FAM171A1: variants seen among roughly 807,000 people sequenced by gnomAD.
FAM171A1 encodes family with sequence similarity 171 member A1, also known as protein FAM171A1.
A neutral mutation model predicts 74.9 loss-of-function variants in FAM171A1; 23 were observed. That is an observed-to-expected ratio of 0.31 (90% confidence interval 0.22 to 0.44). The LOEUF (loss-of-function observed/expected upper bound fraction) is 0.44, where lower values mean the gene tolerates loss of function less well. FAM171A1 is among the 20% of genes least tolerant of loss of function. The probability of loss-of-function intolerance (pLI) is 1.00; values close to 1 mark genes in which losing one functional copy is unlikely to be tolerated. For missense variants in FAM171A1, 1,162 were observed against 1,159.2 expected, an observed-to-expected ratio of 1.00 and a Z score of -0.03; for synonymous variants, 527 against 505.7, an observed-to-expected ratio of 1.04 and a Z score of -0.57.
chr10:15,304,042 A>G (rs1835264517), intron 1 of FAM171A1, among the ~76,000 whole-genome samples: 1 of 152,188 alleles, frequency 6.6e-6, no homozygotes, highest in African/African-American at 2.4e-5. Context: ...AACAAACCCA[A>G]AGAGACTGGC....
At chr10:15,356,973 A>C (rs900721535) in intron 1 of FAM171A1, among the ~76,000 whole-genome samples, 1 of 151,606 alleles carries the variant, frequency 6.6e-6, no homozygotes, top group African/African-American at 2.4e-5. Context: ...TGTCTCAAAA[A>C]ACAAAAACAA....
At chr10:15,308,961 C>T (rs769516735) in intron 1 of FAM171A1, among the ~76,000 whole-genome samples, 10 of 152,134 alleles carry the variant, frequency 6.6e-5, no homozygotes, top group South Asian at 2.1e-4. Flanking sequence ...CCACTGCAGC[C>T]GGCTGACAAA....
intron 1 of FAM171A1, among the ~76,000 whole-genome samples, chr10:15,310,732 C>T (rs534469327): frequency 1.3e-5 from 2 of 152,002 alleles, no homozygotes; most frequent in Non-Finnish European, 2.9e-5. Context: ...CGTGGTGGCG[C>T]GTGCCTGTAG....
intron 4 of FAM171A1, among the ~76,000 whole-genome samples, chr10:15,252,188 C>T (rs918782422): frequency 1.3e-5 from 2 of 152,060 alleles, no homozygotes; most frequent in African/African-American, 2.4e-5. Flanking sequence ...GGGAAGAGTG[C>T]GATGCTCTCC....
chr10:15,369,956 C>T (rs1275498450), intron 1 of FAM171A1, among the ~76,000 whole-genome samples: 2 of 152,186 alleles, frequency 1.3e-5, no homozygotes, highest in South Asian at 4.1e-4. Flanking sequence ...GCAGCGGTGC[C>T]CTGGGTGAAT....
At chr10:15,303,957 A>G (rs1835263698) in intron 1 of FAM171A1, among the ~76,000 whole-genome samples, 1 of 152,226 alleles carries the variant, frequency 6.6e-6, no homozygotes. Context: ...AGCCACATGG[A>G]GAAAGTGTCG....
chr10:15,265,546 T>C (rs976738990), intron 3 of FAM171A1, among the ~76,000 whole-genome samples: 3 of 124,598 alleles, frequency 2.4e-5, no homozygotes, highest in African/African-American at 9.4e-5. Flanking sequence ...GCCTGGGAAG[T>C]TGAGGCAACA....
intron 1 of FAM171A1, among the ~76,000 whole-genome samples, chr10:15,299,622 C>A (rs1473827877): frequency 1.3e-5 from 2 of 151,824 alleles, no homozygotes; most frequent in African/African-American, 4.8e-5. Context: ...TGGGAAGAGA[C>A]CAGTTAGAAA....
chr10:15,371,835 G>A (rs540098090), upstream of FAM171A1, among the ~76,000 whole-genome samples: 88 of 152,330 alleles, frequency 5.8e-4, no homozygotes, highest in African/African-American at 2.0e-3. Context: ...TGAAAGCACA[G>A]CAAAGAAGAC....
chr10:15,279,523 T>C (rs1402237302), intron 2 of FAM171A1, among the ~76,000 whole-genome samples: 2 of 152,154 alleles, frequency 1.3e-5, no homozygotes, highest in Non-Finnish European at 2.9e-5. Flanking sequence ...AAGTAGATTT[T>C]TTTTTTTTGA....
intron 2 of FAM171A1, among the ~76,000 whole-genome samples, chr10:15,281,066 G>A (rs1047252136): frequency 2.6e-5 from 4 of 152,180 alleles, no homozygotes; most frequent in African/African-American, 9.6e-5. Context: ...CTATTCTTGT[G>A]ATCATGAGTG....
intron 1 of FAM171A1, among the ~76,000 whole-genome samples, chr10:15,364,524 A>C (rs763272698): frequency 4.6e-5 from 7 of 152,172 alleles, no homozygotes; most frequent in Non-Finnish European, 7.4e-5. Context: ...TGTGTGGGCG[A>C]ATCTCTATTC....
intron 1 of FAM171A1, among the ~76,000 whole-genome samples, chr10:15,361,098 AAT>A (rs949848433): frequency 1.3e-5 from 2 of 152,240 alleles, no homozygotes; most frequent in Non-Finnish European, 2.9e-5. Context: ...TCATTAATAA[AAT>A]ATGATTAATT....
At chr10:15,368,137 C>G (rs1453494832) in intron 1 of FAM171A1, among the ~76,000 whole-genome samples, 1 of 152,222 alleles carries the variant, frequency 6.6e-6, no homozygotes, top group Non-Finnish European at 1.5e-5. Flanking sequence ...TAGTCATAGT[C>G]TAGAGCTAGT....
rs1554759115 is a variant in FAM171A1, at chr10:15,371,258, G to GGCGGCGGCGGCGGCGGCT, written c.-207_-206insAGCCGCCGCCGCCGCCGC. 4.9e-5 allele frequency among the ~76,000 whole-genome samples: 7 copies of GGCGGCGGCGGCGGCGGCT among 144,066 alleles called. No individual in the cohort carries two copies. Among genetic ancestry groups the GGCGGCGGCGGCGGCGGCT allele is most frequent in the African/African-American group, 1.7e-4 (7 of 40,204 alleles). The allele number at this position is 144,066 out of a possible 152,430, so 94.5% of individuals were successfully genotyped here. ...CCCGAAGAGCCGCGGCGGCGGCGGC[G>GGCGGCGGCGGCGGCGGCT]GCGGCGGCTGCTGCTGCTCCGCCAG... On this transcript the variant is annotated 5_prime_UTR_variant, in exon 1 of 8. Coordinates refer to ENST00000378116, the MANE Select transcript of FAM171A1 (RefSeq NM_001010924.2).
intron 1 of FAM171A1, among the ~76,000 whole-genome samples, chr10:15,359,803 A>G (rs1692782883): frequency 6.6e-6 from 1 of 152,194 alleles, no homozygotes; most frequent in South Asian, 2.1e-4. Flanking sequence ...GGAAGGGGCA[A>G]GGTGACAAGG....
chr10:15,279,958 G>T (rs1834946138), intron 2 of FAM171A1, among the ~76,000 whole-genome samples: 1 of 152,116 alleles, frequency 6.6e-6, no homozygotes, highest in African/African-American at 2.4e-5. Context: ...GTGGTGGCGT[G>T]CACCTGTAAT....
intron 2 of FAM171A1, among the ~76,000 whole-genome samples, chr10:15,278,475 A>C (rs1834923026): frequency 6.6e-6 from 1 of 152,230 alleles, no homozygotes; most frequent in South Asian, 2.1e-4. Context: ...ATTATCCGTA[A>C]CAGCCGAAAA....
At chr10:15,222,447 C>T (rs1834050965) in intron 5 of FAM171A1, among the ~76,000 whole-genome samples, 2 of 152,134 alleles carry the variant, frequency 1.3e-5, no homozygotes, top group Admixed American at 6.5e-5. Context: ...CATAGGCCAC[C>T]GTCACACAAT....
Sources: gnomAD v4.1 joint callset for allele counts (sites outside exome capture counted in the v4.1 genomes callset) on GRCh38, gnomAD v4.1.1 for gene constraint, MANE v1.5 for transcripts, NCBI Gene and HGNC (gene_info 2026-07-23, HGNC 2026-07-21) for gene names.